Variants in EML6 observed in about 807,000 individuals in gnomAD.
EML6 encodes EMAP like 6.
EML6 carries 154 observed loss-of-function variants against 240.1 expected under a neutral mutation model. The observed-to-expected ratio is 0.64, with a 90% CI of 0.56 to 0.73. The LOEUF is 0.73. Among genes scored for constraint, EML6 ranks in the 30% least tolerant of loss-of-function variants. EML6 has a pLI of 0.00. For synonymous variants in EML6, 1,148 were observed against 899.0 expected, an observed-to-expected ratio of 1.28 and a Z score of -4.95; for missense variants, 2,964 against 2,474.6, an observed-to-expected ratio of 1.20 and a Z score of -4.20.
intron 32 of EML6, among the ~76,000 whole-genome samples, chr2:54,954,861 G>C (rs2104505354): frequency 6.6e-6 from 1 of 152,340 alleles, no homozygotes; most frequent in Admixed American, 6.5e-5. Context: ...AATGAGGTCT[G>C]TCTGCAGCTA....
chr2:54,917,530 T>G (rs1673989400), intron 26 of EML6, among the ~76,000 whole-genome samples: 1 of 151,988 alleles, frequency 6.6e-6, no homozygotes, highest in Non-Finnish European at 1.5e-5. Flanking sequence ...GCCAGACTAA[T>G]TTTTGTATTT....
Position 54,819,753 on chromosome 2 carries a change from G to A in EML6, c.457-641G>A, listed in dbSNP as rs1056270139. On this transcript the variant is annotated intron_variant, in intron 4 of 41. Transcript: ENST00000356458. ...TCACGCCACTGCACTCCAGCCTGGT[G>A]ACGGAGCGAGACTGTCTCAGAAAAA... Among the ~76,000 whole-genome samples the A allele has an allele frequency of 1.8e-3, 247 of 140,746 alleles. 1 individual carries two copies. The highest frequency in any genetic ancestry group is 6.2e-3 in the African/African-American group (233 of 37,834). The allele number at this position is 140,746 out of a possible 152,430, so 92.3% of individuals were successfully genotyped here.
chr2:54,855,463 C>G (rs1380912036), intron 11 of EML6, among the ~76,000 whole-genome samples: 4 of 137,548 alleles, frequency 2.9e-5, no homozygotes, highest in Non-Finnish European at 6.3e-5. Flanking sequence ...ACCATGCCCC[C>G]CCCCCGCCCT....
intron 28 of EML6, among the ~76,000 whole-genome samples, chr2:54,948,594 TCCTGCTCCC>T (rs1022689641): frequency 6.6e-6 from 1 of 152,208 alleles, no homozygotes; most frequent in Non-Finnish European, 1.5e-5. Flanking sequence ...CACATGTTCT[TCCTGCTCCC>T]CCTGCTCCCA....
chr2:54,891,014 C>G, intron 17 of EML6, 40 bp from the exon 18 acceptor site: 1 of 981,596 alleles, frequency 1.0e-6, no homozygotes, highest in African/African-American at 1.6e-5. Flanking sequence ...TTACTGCTTC[C>G]ATCCAAACTA....
rs946889358 is a variant in EML6 at position 54,871,489 on chromosome 2, T to C, written c.2239-11T>C. ...TGTTAGTAGTTAATAACAGTCATTC[T>C]GTTATTTAAGGTTGGAAGAGATGCT... is the stretch of plus-strand genomic sequence containing the variant. On this transcript the variant is annotated splice_polypyrimidine_tract_variant and intron_variant, in intron 15 of 41. Coordinates refer to ENST00000356458, the MANE Select transcript of EML6 (RefSeq NM_001039753.4). 5.2e-6 allele frequency: 8 copies of C among 1,542,306 alleles called. No individual in the cohort carries two copies. Among genetic ancestry groups the C allele is most frequent in the African/African-American group, 4.1e-5 (3 of 72,866 alleles).
At position 54,725,039 on chromosome 2, in the gene EML6, G is replaced by T. The variant is rs1682843262; in HGVS notation, c.-23G>T. 3 of 1,492,158 alleles carry T rather than the reference G, an allele frequency of 2.0e-6. No homozygotes were observed. Among genetic ancestry groups the T allele is most frequent in the Middle Eastern group, 4.7e-4 (2 of 4,244 alleles). 92.4% of individuals were successfully genotyped at this position (1,492,158 alleles called of 1,614,324 possible). On this transcript the variant is annotated 5_prime_UTR_variant, in exon 2 of 42. Transcript: ENST00000356458. The surrounding 1 kb of genome is among the most constrained non-coding windows in gnomAD (Gnocchi z 4.3). ...ACGGCCCCGGCGCGCGGGGGGGCGG[G>T]GGGCGCGCGGGGTCGGCTTATCATG...
chr2:54,965,020 T>C (rs563907860), intron 38 of EML6, among the ~76,000 whole-genome samples: 2 of 152,090 alleles, frequency 1.3e-5, no homozygotes, highest in Admixed American at 1.3e-4. Flanking sequence ...CTCTTCAGAG[T>C]TTCCTGATTT....
intron 2 of EML6, among the ~76,000 whole-genome samples, chr2:54,789,454 C>T (rs1669287261): frequency 7.9e-6 from 1 of 125,978 alleles, no homozygotes; most frequent in Non-Finnish European, 1.6e-5. Context: ...GCGGAGCTTG[C>T]AGTGAGCCGA....
At chr2:54,808,112 G>C (rs1270558144) in intron 2 of EML6, among the ~76,000 whole-genome samples, 1 of 152,196 alleles carries the variant, frequency 6.6e-6, no homozygotes. Flanking sequence ...GAATTTTGCT[G>C]TTTTGTCCAT....
intron 28 of EML6, among the ~76,000 whole-genome samples, chr2:54,939,641 C>T (rs943388733): frequency 6.6e-6 from 1 of 152,164 alleles, no homozygotes; most frequent in East Asian, 1.9e-4. Context: ...TGATCCTTAT[C>T]CTCCCCGCTC....
At chr2:54,961,011 A>G in intron 35 of EML6, among the ~76,000 whole-genome samples, 1 of 151,872 alleles carries the variant, frequency 6.6e-6, no homozygotes, top group East Asian at 1.9e-4. Flanking sequence ...ATATCAGTCT[A>G]AGAATTTGCT....
intron 17 of EML6, chr2:54,882,971 G>C (rs928053146): frequency 6.6e-6 from 1 of 151,164 alleles, no homozygotes; most frequent in South Asian, 2.1e-4. Flanking sequence ...ATCTATTTTA[G>C]GTCCCTACCT....
intron 2 of EML6, among the ~76,000 whole-genome samples, chr2:54,738,330 T>C (rs888376120): frequency 2.0e-5 from 3 of 152,228 alleles, no homozygotes; most frequent in African/African-American, 4.8e-5. Flanking sequence ...CTGCTTAGAA[T>C]AGGACTTCTT....
At chr2:54,743,261 A>C (rs1683738869) in intron 2 of EML6, among the ~76,000 whole-genome samples, 2 of 152,190 alleles carry the variant, frequency 1.3e-5, no homozygotes, top group Admixed American at 6.5e-5. Flanking sequence ...ACACCAGTTC[A>C]CTGAACATGC....
At chr2:54,768,895 C>A (rs975809733) in intron 2 of EML6, among the ~76,000 whole-genome samples, 1 of 152,016 alleles carries the variant, frequency 6.6e-6, no homozygotes, top group Non-Finnish European at 1.5e-5. Context: ...AAATCCCAAT[C>A]TATGATTTAT....
At chr2:54,764,011 G>A (rs1033420044) in intron 2 of EML6, among the ~76,000 whole-genome samples, 23 of 152,202 alleles carry the variant, frequency 1.5e-4, no homozygotes, top group Non-Finnish European at 3.1e-4. Flanking sequence ...ACATTCTCAG[G>A]CCTCTGGCCT....
At chr2:54,878,678 A>G (rs1167604229) in intron 16 of EML6, among the ~76,000 whole-genome samples, 2 of 152,240 alleles carry the variant, frequency 1.3e-5, no homozygotes, top group Non-Finnish European at 2.9e-5. Context: ...AATGTAAAGC[A>G]GACAAGCGAT....
chr2:54,750,104 G>T (rs1423517680), intron 2 of EML6, among the ~76,000 whole-genome samples: 1 of 152,192 alleles, frequency 6.6e-6, no homozygotes, highest in African/African-American at 2.4e-5. Context: ...GCCCTGCCAC[G>T]GTGAGCTCCA....
Sources: gnomAD v4.1 joint callset for allele counts (sites outside exome capture counted in the v4.1 genomes callset) on GRCh38, gnomAD v4.1.1 for gene constraint, Gnocchi (gnomAD v3.1) non-coding constraint, MANE v1.5 for transcripts, NCBI Gene and HGNC (gene_info 2026-07-23, HGNC 2026-07-21) for gene names.